The following GRXCR2 variants were observed in gnomAD, a reference collection of about 807,000 sequenced individuals.
GRXCR2 encodes the protein glutaredoxin domain-containing cysteine-rich protein 2.
Under a neutral mutation model 24.8 loss-of-function variants are expected in GRXCR2, and 23 were observed. The observed-to-expected ratio is 0.93, with a 90% CI of 0.67 to 1.32. The LOEUF (loss-of-function observed/expected upper bound fraction) is 1.32, where lower values mean the gene tolerates loss of function less well. Among genes scored for constraint, GRXCR2 ranks in the 40% most tolerant of loss-of-function variants. The pLI is 0.00. For synonymous variants in GRXCR2, 130 were observed against 116.1 expected, an observed-to-expected ratio of 1.12 and a Z score of -0.77; for missense variants, 315 against 303.4, an observed-to-expected ratio of 1.04 and a Z score of -0.28.
At chr5:145,921,401 C>A (rs570411111) in intron 2 of GRXCR2, among the ~76,000 whole-genome samples, 2 of 152,324 alleles carry the variant, frequency 1.3e-5, no homozygotes, top group East Asian at 1.9e-4. Context: ...GGGACTTTGA[C>A]AGCATCACCA....
chr5:145,859,929 G>T lies in GRXCR2; in HGVS notation c.565-14C>A. 5 of 1,547,928 alleles carry T rather than the reference G, an allele frequency of 3.2e-6. No homozygotes were observed. The highest frequency in any genetic ancestry group is 4.4e-6 in the Non-Finnish European group (5 of 1,147,264). On this transcript the variant is annotated splice_polypyrimidine_tract_variant and intron_variant, in intron 2 of 2. Coordinates refer to ENST00000377976, the MANE Select transcript of GRXCR2 (RefSeq NM_001080516.2). ...AATATCCCCTTCCTGCAAGAGACAGGTTAGGGTTTAGTTAAAGCAGCAGTT... is the reference window on the plus strand; with the variant it reads ...AATATCCCCTTCCTGCAAGAGACAGTTTAGGGTTTAGTTAAAGCAGCAGTT...
chr5:145,930,060 C>CTTTATTTATTCA (rs1554107442), intron 2 of GRXCR2, among the ~76,000 whole-genome samples: 1 of 151,054 alleles, frequency 6.6e-6, no homozygotes, highest in Admixed American at 6.6e-5. Flanking sequence ...TTGGGCTAGT[C>CTTTATTTATTCA]TTTATTTATT....
intron 2 of GRXCR2, among the ~76,000 whole-genome samples, chr5:145,899,627 T>C (rs1470434869): frequency 6.6e-6 from 1 of 152,102 alleles, no homozygotes; most frequent in African/African-American, 2.4e-5. Flanking sequence ...CATCTAATAA[T>C]CTTCAACAAA....
chr5:145,901,040 A>G (rs1453825368), intron 2 of GRXCR2, among the ~76,000 whole-genome samples: 1 of 152,102 alleles, frequency 6.6e-6, no homozygotes, highest in Non-Finnish European at 1.5e-5. Flanking sequence ...TAACACAGAA[A>G]CAGAAACAGA....
At chr5:145,868,638 T>TA (rs1290643974) in intron 1 of GRXCR2, among the ~76,000 whole-genome samples, 1 of 152,198 alleles carries the variant, frequency 6.6e-6, no homozygotes, top group Non-Finnish European at 1.5e-5. Context: ...GAGGTTCAGT[T>TA]ACTAGGAAGC....
In GRXCR2 at chr5:145,925,493, TAA is replaced by T. The variant is rs1330914931; in HGVS notation, c.-70+10206_-70+10207del. ...GTCACAGAGCTGTTACTGGTGAAGC[TAA>T]GTTTCTAAAGCATGTCTCCAGATTC... On this transcript the variant is annotated intron_variant, in intron 2 of 3. Transcript: ENST00000639411. 3.9e-5 allele frequency among the ~76,000 whole-genome samples: 6 copies of T among 152,278 alleles called. No individual in the cohort carries two copies. The East Asian group carries it at 5.8e-4, about 15-fold the overall frequency.
intron 2 of GRXCR2, among the ~76,000 whole-genome samples, chr5:145,900,188 G>T (rs1005446568): frequency 6.6e-6 from 1 of 152,078 alleles, no homozygotes; most frequent in African/African-American, 2.4e-5. Flanking sequence ...GAGGTGATTG[G>T]ATCATGGGGG....
At chr5:145,902,503 A>G (rs1757037580) in intron 2 of GRXCR2, among the ~76,000 whole-genome samples, 1 of 152,164 alleles carries the variant, frequency 6.6e-6, no homozygotes, top group Non-Finnish European at 1.5e-5. Context: ...CTTTGTGCAC[A>G]TCTGATTGGG....
chr5:145,909,752 C>T (rs1462384856), intron 2 of GRXCR2, among the ~76,000 whole-genome samples: 1 of 152,232 alleles, frequency 6.6e-6, no homozygotes, highest in African/African-American at 2.4e-5. Flanking sequence ...TCTGAGCCTT[C>T]TGACCATGAC....
intron 2 of GRXCR2, among the ~76,000 whole-genome samples, chr5:145,880,803 C>A (rs571901690): frequency 1.3e-5 from 2 of 152,310 alleles, no homozygotes; most frequent in African/African-American, 2.4e-5. Context: ...AAACCAAATC[C>A]AGTAGCACCT....
chr5:145,906,214 TG>T (rs59722694), intron 2 of GRXCR2, among the ~76,000 whole-genome samples: 37 of 152,196 alleles, frequency 2.4e-4, no homozygotes, highest in Admixed American at 7.2e-4. Flanking sequence ...CACTCTCCTC[TG>T]GGGATGATCA....
chr5:145,901,791 A>G (rs1367781833), intron 2 of GRXCR2, among the ~76,000 whole-genome samples: 1 of 152,156 alleles, frequency 6.6e-6, no homozygotes, highest in African/African-American at 2.4e-5. Flanking sequence ...TAATAGGTTC[A>G]TGGAACAGCA....
intron 2 of GRXCR2, among the ~76,000 whole-genome samples, chr5:145,897,508 A>G (rs1756967747): frequency 6.6e-6 from 1 of 152,072 alleles, no homozygotes. Flanking sequence ...TTAATCACAG[A>G]ATATACATTC....
chr5:145,885,868 C>G (rs534070938), intron 2 of GRXCR2, among the ~76,000 whole-genome samples: 17 of 152,304 alleles, frequency 1.1e-4, no homozygotes, highest in Non-Finnish European at 2.2e-4. Flanking sequence ...AAAACAGCTA[C>G]TGCTTACTGG....
intron 2 of GRXCR2, among the ~76,000 whole-genome samples, chr5:145,866,134 C>CAAAAA (rs71581841): frequency 5.8e-5 from 5 of 85,856 alleles, no homozygotes; most frequent in African/African-American, 1.4e-4. Context: ...AACTCCTTCT[C>CAAAAA]AAAAAAAAAA....
upstream of GRXCR2, among the ~76,000 whole-genome samples, chr5:145,876,353 T>A (rs182679387): frequency 2.9e-3 from 440 of 150,668 alleles, 2 homozygotes; most frequent in Middle Eastern, 0.021. Context: ...CTTAGCTCAC[T>A]GCAACCTCTG....
At chr5:145,887,940 GTAGTA>G (rs1756799897) in intron 2 of GRXCR2, among the ~76,000 whole-genome samples, 1 of 152,210 alleles carries the variant, frequency 6.6e-6, no homozygotes, top group Non-Finnish European at 1.5e-5. Flanking sequence ...TTTAAAATAT[GTAGTA>G]TTTTATATCA....
chr5:145,915,964 TGCAG>T (rs1279147696), intron 2 of GRXCR2, among the ~76,000 whole-genome samples: 1 of 152,092 alleles, frequency 6.6e-6, no homozygotes, highest in Non-Finnish European at 1.5e-5. Context: ...TGGTCAACAA[TGCAG>T]GGTACCCATG....
intron 2 of GRXCR2, among the ~76,000 whole-genome samples, chr5:145,908,753 C>T (rs1581351072): frequency 6.6e-6 from 1 of 152,206 alleles, no homozygotes; most frequent in African/African-American, 2.4e-5. Context: ...AGTTCTTTGG[C>T]AATCATTGAC....
Sources: gnomAD v4.1 joint callset for allele counts (sites outside exome capture counted in the v4.1 genomes callset) on GRCh38, gnomAD v4.1.1 for gene constraint, MANE v1.5 for transcripts, NCBI Gene and HGNC (gene_info 2026-07-23, HGNC 2026-07-21) for gene names.